The following RAB12 variants were observed in gnomAD, a reference collection of about 807,000 sequenced individuals.
RAB12 encodes the protein ras-related protein Rab-12.
RAB12 carries 11 observed loss-of-function variants against 28.4 expected under a neutral mutation model. The observed-to-expected ratio is 0.39, with a 90% CI of 0.24 to 0.64. The LOEUF is 0.64. Among genes scored for constraint, RAB12 ranks in the 30% least tolerant of loss-of-function variants. The pLI, the probability that RAB12 is intolerant of heterozygous loss-of-function variation, is 0.50. For missense variants in RAB12, 276 were observed against 351.1 expected (o/e 0.79, Z 1.71); for synonymous variants, 138 against 145.3 (o/e 0.95, Z 0.36).
In RAB12 at chr18:8,638,505, C is replaced by T; in HGVS notation, c.*243C>T. 1 of 398,560 alleles carries T rather than the reference C, an allele frequency of 2.5e-6. No homozygotes were observed. The highest frequency in any genetic ancestry group is 4.5e-6 in the Non-Finnish European group (1 of 220,328). 24.7% of individuals were successfully genotyped at this position (398,560 alleles called of 1,614,324 possible). The stretch of plus-strand genomic sequence containing the variant: ...TGTCTAGTGTACATACACTGGGAAA[C>T]CTAGTACTTCTAATATGAAGAATGG... On this transcript the variant is annotated 3_prime_UTR_variant, in exon 6 of 6. Transcript: ENST00000649141.
intron 2 of RAB12, among the ~76,000 whole-genome samples, chr18:8,626,932 T>C (rs963196504): frequency 1.3e-5 from 2 of 152,250 alleles, no homozygotes; most frequent in African/African-American, 4.8e-5. Context: ...GTGACTCTTT[T>C]CCTGCAGGAA....
At chr18:8,635,932 TGGTTTTTGCTAAG>T (rs1042457778) in intron 4 of RAB12, 10 of 429,940 alleles carry the variant, frequency 2.3e-5, no homozygotes, top group Non-Finnish European at 4.1e-5. Flanking sequence ...TAAACTTCCT[TGGTTTTTGCTAAG>T]GATTGAATCA....
intron 2 of RAB12, among the ~76,000 whole-genome samples, chr18:8,632,510 C>T (rs1176972165): frequency 6.6e-6 from 1 of 152,082 alleles, no homozygotes; most frequent in East Asian, 1.9e-4. Flanking sequence ...AGGGTTGTAA[C>T]TGTGGATCTT....
Position 8,638,133 on chromosome 18 carries a change from T to C in RAB12, c.910-16T>C, listed in dbSNP as rs752743851. The stretch of plus-strand genomic sequence containing the variant: ...TAAAGTTAAAACGGATTTTTTTTTG[T>C]TTGTTTATACGTTAGATGCCTCTGG... On this transcript the variant is annotated splice_polypyrimidine_tract_variant and intron_variant, in intron 5 of 5. Coordinates refer to ENST00000649141, the MANE Select transcript of RAB12 (RefSeq NM_001025300.3). The C allele has an allele frequency of 2.5e-6, 4 of 1,570,584 alleles. No individual in the cohort carries two copies. In the African/African-American group the frequency reaches 4.1e-5, roughly 16 times the overall value.
chr18:8,630,819 C>T (rs1313768290), intron 2 of RAB12, among the ~76,000 whole-genome samples: 1 of 152,200 alleles, frequency 6.6e-6, no homozygotes, highest in Non-Finnish European at 1.5e-5. Context: ...TCTCTCCTCC[C>T]TTTTCCTTTG....
intron 1 of RAB12, among the ~76,000 whole-genome samples, chr18:8,610,498 A>G (rs186169482): frequency 1.3e-5 from 2 of 152,332 alleles, no homozygotes; most frequent in African/African-American, 4.8e-5. Context: ...GGGGCAGAGG[A>G]GCTTCAGCTG....
At chr18:8,620,139 C>CTTTTTTTTTTTTTTTTTTTT (rs71165795) in intron 1 of RAB12, among the ~76,000 whole-genome samples, 60 of 53,848 alleles carry the variant, frequency 1.1e-3, no homozygotes, top group Non-Finnish European at 1.4e-3. Flanking sequence ...TTTTCTTCTT[C>CTTTTTTTTTTTTTTTTTTTT]TTTTTTTTTT....
Position 8,609,469 on chromosome 18 carries a change from C to T in RAB12, c.30C>T (p.Cys10=), listed in dbSNP as rs765377252. The change falls in exon 1 of 6, where the codon TGC becomes TGT. Residue 10 remains cysteine, a synonymous_variant. Coordinates refer to ENST00000649141, the MANE Select transcript of RAB12 (RefSeq NM_001025300.3). MLLPLLRSS[C]FPSSSPGGGG... ...TGCTGCCGCTACTGCGGAGTAGCTG[C>T]TTCCCTTCCTCCTCTCCCGGCGGCG... 3.3e-4 allele frequency: 50 copies of T among 150,796 alleles called. No individual in the cohort carries two copies. The highest frequency in any genetic ancestry group is 6.8e-3 in the Middle Eastern group (2 of 294). The allele number at this position is 150,796 out of a possible 1,614,324, so 9.3% of individuals were successfully genotyped here.
intron 2 of RAB12, among the ~76,000 whole-genome samples, chr18:8,625,723 T>C (rs2096012304): frequency 1.3e-5 from 2 of 152,310 alleles, no homozygotes; most frequent in African/African-American, 2.4e-5. Context: ...AGTAGCCCCA[T>C]TGAGGTGCTC....
At chr18:8,630,742 G>A (rs547346031) in intron 2 of RAB12, among the ~76,000 whole-genome samples, 2 of 152,270 alleles carry the variant, frequency 1.3e-5, no homozygotes, top group South Asian at 2.1e-4. Context: ...AAAAAAGAAC[G>A]CTTTTAGATT....
intron 3 of RAB12, among the ~76,000 whole-genome samples, chr18:8,634,591 G>T (rs2096017853): frequency 6.6e-6 from 1 of 152,206 alleles, no homozygotes; most frequent in South Asian, 2.1e-4. Flanking sequence ...TTGTGAGTCT[G>T]TGCCCACCCA....
intron 1 of RAB12, among the ~76,000 whole-genome samples, chr18:8,622,585 G>A (rs2096010479): frequency 1.3e-5 from 2 of 152,214 alleles, no homozygotes; most frequent in South Asian, 4.1e-4. Context: ...AAGGCAAGTG[G>A]AGGCAGGGCA....
At chr18:8,614,480 TC>T (rs1403986693) in intron 1 of RAB12, among the ~76,000 whole-genome samples, 1 of 149,466 alleles carries the variant, frequency 6.7e-6, no homozygotes, top group African/African-American at 2.5e-5. Flanking sequence ...GATTGCCAGT[TC>T]TTTATTTTGC....
intron 1 of RAB12, among the ~76,000 whole-genome samples, chr18:8,612,172 T>C (rs2096004208): frequency 6.6e-6 from 1 of 152,206 alleles, no homozygotes; most frequent in African/African-American, 2.4e-5. Context: ...GCGTGACCGC[T>C]TGTCAGGGCA....
chr18:8,636,655 G>T (rs2096019118), intron 5 of RAB12, among the ~76,000 whole-genome samples: 1 of 152,160 alleles, frequency 6.6e-6, no homozygotes, highest in Non-Finnish European at 1.5e-5. Flanking sequence ...ACATTTGCTT[G>T]TTTTCCCACC....
rs760359422 is a variant in RAB12, at chr18:8,635,575, T to C, written c.757T>C (p.Leu253=). The C allele has an allele frequency of 6.2e-7, 1 of 1,612,694 alleles. No homozygotes were observed. The highest frequency in any genetic ancestry group is 8.5e-7 in the Non-Finnish European group (1 of 1,179,522). ...AGAGCTTCTCTTAGTTGGAAATAAGTTGGACTGTGAAACGGACAGAGAAAT... is the reference window on the plus strand; with the variant it reads ...AGAGCTTCTCTTAGTTGGAAATAAGCTGGACTGTGAAACGGACAGAGAAAT... ...DAELLLVGNK[L]DCETDREITR... Residue 253 remains leucine (L), a synonymous_variant, in exon 4 of 6, where the codon TTG becomes CTG. Coordinates refer to ENST00000649141, the MANE Select transcript of RAB12 (RefSeq NM_001025300.3).
At chr18:8,625,478 G>A (rs183694401) in intron 2 of RAB12, among the ~76,000 whole-genome samples, 1 of 152,256 alleles carries the variant, frequency 6.6e-6, no homozygotes, top group East Asian at 1.9e-4. Context: ...TACTCCTTCC[G>A]GCTGTACTGC....
intron 2 of RAB12, 99 bp from the exon 3 acceptor site, chr18:8,633,090 C>A: frequency 6.8e-7 from 1 of 1,469,378 alleles, no homozygotes; most frequent in Non-Finnish European, 9.4e-7. Context: ...GTTCTTTTTT[C>A]GCAGAAAAAC....
chr18:8,623,133 A>G (rs2096010853), intron 1 of RAB12, among the ~76,000 whole-genome samples: 1 of 152,230 alleles, frequency 6.6e-6, no homozygotes, highest in Admixed American at 6.5e-5. Flanking sequence ...TTACAAGATG[A>G]CAGGATTAAG....
Sources: allele counts gnomAD v4.1 joint callset (sites outside exome capture counted in the v4.1 genomes callset), GRCh38; gene constraint gnomAD v4.1.1; transcripts MANE v1.5; gene names NCBI Gene and HGNC (gene_info 2026-07-23, HGNC 2026-07-21).